The following KCND3 variants were observed in gnomAD, a reference collection of about 807,000 sequenced individuals.
KCND3 encodes potassium voltage-gated channel subfamily D member 3.
In KCND3, 9 loss-of-function variants were observed where a neutral mutation model predicts 51.1. The observed-to-expected ratio is 0.18, with a 90% CI of 0.11 to 0.31. KCND3 has a LOEUF of 0.31. Among genes scored for constraint, KCND3 ranks in the 10% least tolerant of loss-of-function variants. The probability of loss-of-function intolerance (pLI) is 1.00; values close to 1 mark genes in which losing one functional copy is unlikely to be tolerated. For synonymous variants in KCND3, 349 were observed against 368.0 expected, an observed-to-expected ratio of 0.95 and a Z score of 0.59; for missense variants, 526 against 903.8, an observed-to-expected ratio of 0.58 and a Z score of 5.36.
chr1:111,894,829 C>T (rs571395280), intron 2 of KCND3, among the ~76,000 whole-genome samples: 65 of 152,294 alleles, frequency 4.3e-4, no homozygotes, highest in Non-Finnish European at 7.5e-4. Context: ...TTTCTTTCTC[C>T]TAAACACATA....
chr1:111,883,799 A>C (rs1008524333), intron 2 of KCND3, among the ~76,000 whole-genome samples: 2 of 152,236 alleles, frequency 1.3e-5, no homozygotes, highest in Non-Finnish European at 2.9e-5. Context: ...TATTGGTGCT[A>C]GGATATGAGA....
Position 111,982,755 on chromosome 1 carries a change from G to T in KCND3, c.-29C>A. 6.3e-7 allele frequency: 1 copy of T among 1,587,398 alleles called. No homozygotes were observed. ...GACTCCAGCTCTTGGGCCGGCAGCC[G>T]CGCGGACGCTAGGCACACCAGCTTG... On this transcript the variant is annotated 5_prime_UTR_variant, in exon 2 of 8. Coordinates refer to ENST00000302127, the MANE Select transcript of KCND3 (RefSeq NM_001378969.1). This position sits in a 1 kb window ranked among gnomAD's most constrained non-coding sequence, Gnocchi z 8.5.
chr1:111,834,949 C>A (rs1389285222), intron 2 of KCND3, among the ~76,000 whole-genome samples: 1 of 152,174 alleles, frequency 6.6e-6, no homozygotes, highest in South Asian at 2.1e-4. Flanking sequence ...AGAAGCCAAC[C>A]CATTGCATCC....
At chr1:111,881,129 T>C (rs999202906) in intron 2 of KCND3, among the ~76,000 whole-genome samples, 2 of 152,222 alleles carry the variant, frequency 1.3e-5, no homozygotes, top group African/African-American at 4.8e-5. Context: ...CAGGTCTCTG[T>C]TGAGGACATT....
rs537616427 is a variant in KCND3, at chr1:111,772,061, T to A, written c.*4016A>T. 1 of 152,278 alleles carries A rather than the reference T, an allele frequency of 6.6e-6. No individual in the cohort carries two copies. Among genetic ancestry groups the A allele is most frequent in the African/African-American group, 2.4e-5 (1 of 41,556 alleles). 9.4% of individuals were successfully genotyped at this position (152,278 alleles called of 1,614,324 possible). A position where few individuals can be genotyped will look rare whatever the true frequency, so the allele number is the denominator to read the frequency against. ...AAATCCTAGGACAAGATGTCTTAAGTCCTGGATTGCAATAATGGTTCTGCC... is the reference window on the plus strand; with the variant it reads ...AAATCCTAGGACAAGATGTCTTAAGACCTGGATTGCAATAATGGTTCTGCC... On this transcript the variant is annotated 3_prime_UTR_variant, in exon 8 of 8. Transcript: ENST00000302127.
At chr1:111,793,688 C>T (rs1431354752) in intron 2 of KCND3, among the ~76,000 whole-genome samples, 2 of 152,138 alleles carry the variant, frequency 1.3e-5, no homozygotes, top group Non-Finnish European at 2.9e-5. Context: ...CCCATGGTCC[C>T]TCCTGGGGCC....
At chr1:111,783,783 C>A (rs1557935055) in intron 3 of KCND3, among the ~76,000 whole-genome samples, 1 of 150,956 alleles carries the variant, frequency 6.6e-6, no homozygotes, top group African/African-American at 2.4e-5. Flanking sequence ...TCTCATCAGG[C>A]AAATAAACAA....
At chr1:111,814,308 G>A (rs1193691904) in intron 2 of KCND3, among the ~76,000 whole-genome samples, 1 of 152,232 alleles carries the variant, frequency 6.6e-6, no homozygotes, top group Non-Finnish European at 1.5e-5. Flanking sequence ...GGGGAGCTCT[G>A]TAACATGCAC....
chr1:111,778,235 G>A (rs558196087), intron 6 of KCND3, among the ~76,000 whole-genome samples: 1 of 152,258 alleles, frequency 6.6e-6, no homozygotes, highest in South Asian at 2.1e-4. Context: ...TCCAAAGAGG[G>A]AACTAGAAAG....
At chr1:111,819,702 A>G (rs1285500434) in intron 2 of KCND3, among the ~76,000 whole-genome samples, 4 of 152,144 alleles carry the variant, frequency 2.6e-5, no homozygotes, top group Admixed American at 6.5e-5. Flanking sequence ...AGCAGCTCAC[A>G]GGCCTGCTTG....
At chr1:111,820,467 C>T (rs1009967759) in intron 2 of KCND3, among the ~76,000 whole-genome samples, 15 of 152,160 alleles carry the variant, frequency 9.9e-5, no homozygotes, top group African/African-American at 3.1e-4. Flanking sequence ...TGCCAACATG[C>T]GCCTGTTGCC....
At chr1:111,818,376 G>A (rs988117549) in intron 2 of KCND3, among the ~76,000 whole-genome samples, 1 of 150,826 alleles carries the variant, frequency 6.6e-6, no homozygotes, top group African/African-American at 2.4e-5. Context: ...AACATCACAC[G>A]TCAGAGGCCA....
chr1:111,873,535 AAG>A (rs1557991638), intron 2 of KCND3, among the ~76,000 whole-genome samples: 1 of 152,088 alleles, frequency 6.6e-6, no homozygotes, highest in Non-Finnish European at 1.5e-5. Context: ...CTTTATGAAT[AAG>A]AGAGTGATGT....
At chr1:111,952,567 C>A (rs544233284) in intron 2 of KCND3, among the ~76,000 whole-genome samples, 41 of 152,278 alleles carry the variant, frequency 2.7e-4, no homozygotes, top group African/African-American at 9.1e-4. Context: ...CATTTCCCTG[C>A]CTTCCTTCTC....
intron 2 of KCND3, among the ~76,000 whole-genome samples, chr1:111,907,507 G>C (rs1670703980): frequency 6.6e-6 from 1 of 152,216 alleles, no homozygotes; most frequent in African/African-American, 2.4e-5. Context: ...ACAACCATGT[G>C]AGTCAAGCCT....
intron 2 of KCND3, among the ~76,000 whole-genome samples, chr1:111,924,048 C>T (rs1671591087): frequency 6.6e-6 from 1 of 152,190 alleles, no homozygotes; most frequent in African/African-American, 2.4e-5. Context: ...CTAACTAGGA[C>T]TCGCAGTCAC....
At chr1:111,931,926 A>G (rs1671992887) in intron 2 of KCND3, among the ~76,000 whole-genome samples, 1 of 152,200 alleles carries the variant, frequency 6.6e-6, no homozygotes, top group Non-Finnish European at 1.5e-5. Context: ...TTAGTTTCCC[A>G]TTGCAGCTCT....
At chr1:111,849,461 C>T (rs544337817) in intron 2 of KCND3, among the ~76,000 whole-genome samples, 15 of 152,368 alleles carry the variant, frequency 9.8e-5, no homozygotes, top group African/African-American at 3.4e-4. Flanking sequence ...AGGAATCCCA[C>T]CTCTGTGAAA....
chr1:111,836,839 T>G (rs1215301236), intron 2 of KCND3, among the ~76,000 whole-genome samples: 1 of 152,180 alleles, frequency 6.6e-6, no homozygotes, highest in African/African-American at 2.4e-5. Context: ...AGTCTGGCCT[T>G]GACTTCTCTA....
Sources: gnomAD v4.1 joint callset for allele counts (sites outside exome capture counted in the v4.1 genomes callset) on GRCh38, gnomAD v4.1.1 for gene constraint, Gnocchi (gnomAD v3.1) non-coding constraint, MANE v1.5 for transcripts, NCBI Gene and HGNC (gene_info 2026-07-23, HGNC 2026-07-21) for gene names.